Variants in NLGN4X observed in about 807,000 individuals in gnomAD.
NLGN4X encodes neuroligin 4 X-linked, also known as neuroligin-4, X-linked.
A neutral mutation model predicts 40.3 loss-of-function variants in NLGN4X; 3 were observed. The ratio of observed to expected loss-of-function variants is 0.07; its 90% CI spans 0.03 to 0.19. NLGN4X has a LOEUF of 0.19. Ranked by LOEUF, NLGN4X falls within the 10% of genes least tolerant of loss-of-function variation. The probability of loss-of-function intolerance (pLI) is 1.00; values close to 1 mark genes in which losing one functional copy is unlikely to be tolerated. For missense variants in NLGN4X, 382 were observed against 708.3 expected (o/e 0.54, Z 5.23); for synonymous variants, 270 against 306.8 (o/e 0.88, Z 1.25).
At chrX:6,096,227 T>C (rs1259309235) in intron 2 of NLGN4X, among the ~76,000 whole-genome samples, 1 of 111,679 alleles carries the variant, frequency 9.0e-6, no homozygotes, top group Non-Finnish European at 1.9e-5. Context: ...GCTCTGTCAT[T>C]CTTCCTCCCA....
At chrX:6,184,589 T>G (rs898920035) in intron 1 of NLGN4X, among the ~76,000 whole-genome samples, 2 of 110,483 alleles carry the variant, frequency 1.8e-5, no homozygotes, top group Non-Finnish European at 3.8e-5. Flanking sequence ...GCTTCCAAGT[T>G]GCTATCTTCT....
intron 1 of NLGN4X, among the ~76,000 whole-genome samples, chrX:6,206,437 T>A (rs750415991): frequency 8.9e-5 from 10 of 112,018 alleles, no homozygotes; most frequent in African/African-American, 1.9e-4. Flanking sequence ...TGAAAAAAAA[T>A]GAATTTAAAT....
intron 2 of NLGN4X, among the ~76,000 whole-genome samples, chrX:6,112,441 G>A (rs2039172445): frequency 9.0e-6 from 1 of 111,371 alleles, no homozygotes; most frequent in African/African-American, 3.3e-5. Flanking sequence ...AGTCCATACT[G>A]ATATATGTAA....
At chrX:5,921,723 G>A (rs768980697) in intron 3 of NLGN4X, among the ~76,000 whole-genome samples, 33 of 111,753 alleles carry the variant, frequency 3.0e-4, no homozygotes, top group Non-Finnish European at 6.0e-4. Flanking sequence ...TTCAGCAGTA[G>A]GCATGAAAAC....
intron 2 of NLGN4X, among the ~76,000 whole-genome samples, chrX:6,052,899 G>C (rs920072814): frequency 2.7e-5 from 3 of 112,091 alleles, no homozygotes; most frequent in Non-Finnish European, 3.8e-5. Context: ...TGGTTCTGAG[G>C]CTTCCCTGGT....
At chrX:6,174,826 G>A (rs1312224749) in intron 1 of NLGN4X, among the ~76,000 whole-genome samples, 1 of 111,141 alleles carries the variant, frequency 9.0e-6, no homozygotes, top group Non-Finnish European at 1.9e-5. Context: ...AAAACTAGCT[G>A]GTGGTCACTA....
chrX:6,216,089 G>A (rs1750289663), intron 1 of NLGN4X, among the ~76,000 whole-genome samples: 1 of 110,782 alleles, frequency 9.0e-6, no homozygotes, highest in Non-Finnish European at 1.9e-5. Flanking sequence ...TTGAACTCCT[G>A]ACCTCATATG....
Position 6,044,133 on chromosome X carries a change from A to ATAAATAAATAAATAAATAAC in NLGN4X, c.473-14702_473-14701insGTTATTTATTTATTTATTTA, listed in dbSNP as rs1342341154. Among the ~76,000 whole-genome samples, 10 of 97,574 alleles carry ATAAATAAATAAATAAATAAC rather than the reference A, an allele frequency of 1.0e-4. No homozygotes were observed. The East Asian group carries it at 2.1e-3, about 21-fold the overall frequency. The allele number at this position is 97,574 out of a possible 115,157, so 84.7% of individuals were successfully genotyped here. ...AATAAATAAATAAATAAATAAATAA[A>ATAAATAAATAAATAAATAAC]TAACAAAATCACACAGGTGTGTGCC... On this transcript the variant is annotated intron_variant, in intron 2 of 5. Coordinates refer to ENST00000381095, the MANE Select transcript of NLGN4X (RefSeq NM_181332.3).
intron 3 of NLGN4X, among the ~76,000 whole-genome samples, chrX:6,021,731 GT>G (rs1179238055): frequency 9.5e-6 from 1 of 105,576 alleles, no homozygotes; most frequent in African/African-American, 3.8e-5. Flanking sequence ...ATTGTGTTGT[GT>G]TTTTTTGTTT....
At chrX:5,910,914 C>T (rs765473702) in intron 3 of NLGN4X, among the ~76,000 whole-genome samples, 5 of 111,460 alleles carry the variant, frequency 4.5e-5, no homozygotes, top group East Asian at 5.7e-4. Flanking sequence ...AGATTAGCTA[C>T]GATTAGTGGG....
chrX:6,023,396 C>T (rs1225857378), intron 3 of NLGN4X, among the ~76,000 whole-genome samples: 1 of 112,160 alleles, frequency 8.9e-6, no homozygotes, highest in Non-Finnish European at 1.9e-5. Flanking sequence ...AACTTTTTTG[C>T]ATAATGATAA....
intron 1 of NLGN4X, among the ~76,000 whole-genome samples, chrX:6,191,628 G>C (rs556533256): frequency 2.7e-5 from 3 of 111,952 alleles, no homozygotes; most frequent in African/African-American, 9.7e-5. Flanking sequence ...GGAGGCAAAA[G>C]CAGGCAGATC....
intron 3 of NLGN4X, among the ~76,000 whole-genome samples, chrX:5,952,188 A>G (rs1040987565): frequency 1.2e-4 from 13 of 111,619 alleles, no homozygotes; most frequent in Non-Finnish European, 1.9e-4. Context: ...GGATAGGTGG[A>G]GAGGAGTTGA....
intron 2 of NLGN4X, among the ~76,000 whole-genome samples, chrX:6,057,200 A>T (rs1450049724): frequency 8.9e-6 from 1 of 111,927 alleles, no homozygotes; most frequent in Non-Finnish European, 1.9e-5. Flanking sequence ...TGATTGAGTG[A>T]CGTGCATTTG....
chrX:6,115,153 G>T (rs1049435191), intron 2 of NLGN4X, among the ~76,000 whole-genome samples: 1 of 111,895 alleles, frequency 8.9e-6, no homozygotes, highest in African/African-American at 3.3e-5. Flanking sequence ...ATTCCAGGAG[G>T]ATGGATGAAT....
chrX:6,018,164 A>C (rs753352319), intron 3 of NLGN4X, among the ~76,000 whole-genome samples: 5 of 107,708 alleles, frequency 4.6e-5, no homozygotes, highest in Non-Finnish European at 9.4e-5. Flanking sequence ...GTATGTACAC[A>C]TATATGTATG....
chrX:5,966,760 G>C (rs2034846748), intron 3 of NLGN4X, among the ~76,000 whole-genome samples: 1 of 76,297 alleles, frequency 1.3e-5, no homozygotes, highest in African/African-American at 4.2e-5. Context: ...TAGAAGATAG[G>C]TCATTTTGTA....
intron 1 of NLGN4X, among the ~76,000 whole-genome samples, chrX:6,200,731 C>T (rs1197372619): frequency 9.1e-5 from 7 of 76,763 alleles, no homozygotes; most frequent in Admixed American, 1.8e-4. Flanking sequence ...CTGTCACACA[C>T]GCTGGAGTGC....
chrX:6,185,565 TTCTC>T (rs1450298710), intron 1 of NLGN4X, among the ~76,000 whole-genome samples: 1 of 112,017 alleles, frequency 8.9e-6, no homozygotes, highest in Non-Finnish European at 1.9e-5. Flanking sequence ...TCAGAATTAC[TTCTC>T]TCTCAAAAAT....
Sources: gnomAD v4.1 joint callset for allele counts (sites outside exome capture counted in the v4.1 genomes callset) on GRCh38, gnomAD v4.1.1 for gene constraint, MANE v1.5 for transcripts, NCBI Gene and HGNC (gene_info 2026-07-23, HGNC 2026-07-21) for gene names.